Variants in TYW1 observed in about 807,000 individuals in gnomAD.
TYW1 encodes the protein S-adenosyl-L-methionine-dependent tRNA 4-demethylwyosine synthase TYW1.
A neutral mutation model predicts 96.2 loss-of-function variants in TYW1; 46 were observed. That is an observed-to-expected ratio of 0.48 (90% CI 0.38 to 0.61). The LOEUF (loss-of-function observed/expected upper bound fraction) is 0.61, where lower values mean the gene tolerates loss of function less well. TYW1 is among the 20% of genes least tolerant of loss of function. The pLI is 0.00. For missense variants in TYW1, 684 were observed against 909.6 expected, an observed-to-expected ratio of 0.75 and a Z score of 3.19; for synonymous variants, 274 against 323.0, an observed-to-expected ratio of 0.85 and a Z score of 1.63.
intron 11 of TYW1, among the ~76,000 whole-genome samples, chr7:67,095,785 C>G (rs1796890625): frequency 1.3e-5 from 2 of 152,042 alleles, no homozygotes; most frequent in Admixed American, 6.5e-5. Context: ...GCTATCCCTA[C>G]TGAAGTCAAT....
intron 15 of TYW1, among the ~76,000 whole-genome samples, chr7:67,196,601 C>T (rs568470586): frequency 2.0e-4 from 31 of 152,146 alleles, no homozygotes; most frequent in African/African-American, 7.0e-4. Context: ...GAGGTCTGAA[C>T]GGTGAAGAAA....
At chr7:67,220,035 T>G (rs578045227) in intron 15 of TYW1, among the ~76,000 whole-genome samples, 2 of 150,578 alleles carry the variant, frequency 1.3e-5, no homozygotes, top group South Asian at 4.2e-4. Context: ...TAGCATTGCT[T>G]TCACTGTGTC....
At chr7:67,201,160 A>G (rs1563068528) in intron 15 of TYW1, among the ~76,000 whole-genome samples, 3 of 151,022 alleles carry the variant, frequency 2.0e-5, no homozygotes, top group Admixed American at 1.3e-4. Flanking sequence ...AAGACAGAGA[A>G]ACCAGTTAAA....
chr7:67,043,771 A>G (rs1050101571), intron 7 of TYW1, among the ~76,000 whole-genome samples: 6 of 152,196 alleles, frequency 3.9e-5, no homozygotes, highest in Admixed American at 1.3e-4. Context: ...AAGGTAGGTT[A>G]TCCAAAATAG....
intron 15 of TYW1, among the ~76,000 whole-genome samples, chr7:67,205,293 C>CGTCAGCCTCCT: frequency 6.6e-6 from 1 of 151,992 alleles, no homozygotes; most frequent in South Asian, 2.1e-4. Flanking sequence ...TTCTGGCTCC[C>CGTCAGCCTCCT]GTCAGCCTCC....
At chr7:67,116,286 C>G (rs570048495) in intron 12 of TYW1, among the ~76,000 whole-genome samples, 1 of 149,246 alleles carries the variant, frequency 6.7e-6, no homozygotes, top group East Asian at 2.0e-4. Context: ...GATTGCACCA[C>G]TGTACTCTAG....
intron 11 of TYW1, among the ~76,000 whole-genome samples, chr7:67,095,554 A>G (rs1344098957): frequency 6.6e-6 from 1 of 151,188 alleles, no homozygotes; most frequent in African/African-American, 2.4e-5. Context: ...GATACTGAGG[A>G]GGCTGAGGCA....
intron 14 of TYW1, among the ~76,000 whole-genome samples, chr7:67,186,933 T>C (rs117690983): frequency 0.016 from 2,387 of 152,228 alleles, 32 homozygotes; most frequent in Admixed American, 0.044. Context: ...TTTATATGAA[T>C]GTGCTGTTGG....
Position 67,183,243 on chromosome 7 carries a change from C to G in TYW1, c.1809+7C>G. 1 of 1,595,070 alleles carries G rather than the reference C, an allele frequency of 6.3e-7. No individual in the cohort carries two copies. Among genetic ancestry groups the G allele is most frequent in the Non-Finnish European group, 8.5e-7 (1 of 1,170,364 alleles). ...TGACTTCATCGAAGTGAAGGTAAGC[C>G]CCTGCTGACTCTGGTGGCTGTGGTG... On this transcript the variant is annotated splice_region_variant and intron_variant, in intron 14 of 15. Coordinates refer to ENST00000359626, the MANE Select transcript of TYW1 (RefSeq NM_018264.4).
intron 13 of TYW1, among the ~76,000 whole-genome samples, chr7:67,159,533 T>TAA (rs1395443823): frequency 2.6e-5 from 4 of 152,120 alleles, no homozygotes; most frequent in Non-Finnish European, 5.9e-5. Context: ...CTAAGGTGTA[T>TAA]AAAAAGTGTA....
intron 11 of TYW1, among the ~76,000 whole-genome samples, chr7:67,092,304 T>C (rs979321335): frequency 6.6e-6 from 1 of 151,968 alleles, no homozygotes; most frequent in Non-Finnish European, 1.5e-5. Flanking sequence ...TATTATATTA[T>C]AGTCTGTCGG....
At chr7:67,033,531 T>G (rs1794734720) in intron 7 of TYW1, among the ~76,000 whole-genome samples, 1 of 151,428 alleles carries the variant, frequency 6.6e-6, no homozygotes, top group Non-Finnish European at 1.5e-5. Context: ...GGCAGTTTTC[T>G]TGTGGGGCTA....
At chr7:67,037,704 C>G (rs1479625197) in intron 7 of TYW1, among the ~76,000 whole-genome samples, 8 of 151,856 alleles carry the variant, frequency 5.3e-5, no homozygotes, top group African/African-American at 1.9e-4. Context: ...TGCGGCGACT[C>G]TGCCTGTAAT....
At chr7:67,013,739 CTT>C (rs931500833) in intron 4 of TYW1, among the ~76,000 whole-genome samples, 74 of 97,512 alleles carry the variant, frequency 7.6e-4, no homozygotes, top group Middle Eastern at 6.8e-3. Context: ...GCATTTTTTC[CTT>C]TTTTTTTTTT....
chr7:67,117,096 C>A (rs1179550678), intron 12 of TYW1, among the ~76,000 whole-genome samples: 1 of 152,092 alleles, frequency 6.6e-6, no homozygotes, highest in Non-Finnish European at 1.5e-5. Context: ...CAGCACAGAC[C>A]CCATGTGGTT....
chr7:67,158,525 G>T (rs1372304235), intron 13 of TYW1, among the ~76,000 whole-genome samples: 29 of 152,082 alleles, frequency 1.9e-4, no homozygotes, highest in Non-Finnish European at 2.2e-4. Flanking sequence ...AACCAGCCTT[G>T]CATACCTGGA....
intron 11 of TYW1, among the ~76,000 whole-genome samples, chr7:67,085,631 T>C (rs1796525529): frequency 6.6e-6 from 1 of 152,116 alleles, no homozygotes; most frequent in African/African-American, 2.4e-5. Flanking sequence ...TGGAGAAAAG[T>C]CATGCAAATA....
chr7:67,098,774 T>C, intron 12 of TYW1, 56 bp downstream of exon 12: 1 of 1,496,302 alleles, frequency 6.7e-7, no homozygotes, highest in Non-Finnish European at 9.0e-7. Flanking sequence ...CACTGCAAAG[T>C]AAAACTAATA....
At chr7:67,025,088 T>C in intron 7 of TYW1, 66 bp downstream of exon 7, 3 of 1,595,804 alleles carry the variant, frequency 1.9e-6, no homozygotes, top group Non-Finnish European at 2.6e-6. Flanking sequence ...TATTTCTTTA[T>C]TACTGTGTAG....
Sources: gnomAD v4.1 joint callset for allele counts (sites outside exome capture counted in the v4.1 genomes callset) on GRCh38, gnomAD v4.1.1 for gene constraint, MANE v1.5 for transcripts, NCBI Gene and HGNC (gene_info 2026-07-23, HGNC 2026-07-21) for gene names.